COL11A1: variants seen among roughly 807,000 people sequenced by gnomAD.
COL11A1 encodes collagen alpha-1(XI) chain.
COL11A1 carries 74 observed loss-of-function variants against 265.2 expected under a neutral mutation model. The ratio of observed to expected loss-of-function variants is 0.28; its 90% confidence interval spans 0.23 to 0.34. The LOEUF is 0.34. Among genes scored for constraint, COL11A1 ranks in the 10% least tolerant of loss-of-function variants. The probability of loss-of-function intolerance (pLI) is 1.00; values close to 1 mark genes in which losing one functional copy is unlikely to be tolerated. For synonymous variants in COL11A1, 816 were observed against 727.6 expected (o/e 1.12, Z -1.96); for missense variants, 2,165 against 2,263.6 (o/e 0.96, Z 0.88).
At chr1:103,046,728 T>C (rs1669302473) in intron 4 of COL11A1, among the ~76,000 whole-genome samples, 2 of 151,650 alleles carry the variant, frequency 1.3e-5, no homozygotes, top group South Asian at 4.2e-4. Flanking sequence ...CTAGGGTTTT[T>C]ATGGTTTTAG....
At chr1:102,928,984 G>C (rs1452325525) in intron 46 of COL11A1, among the ~76,000 whole-genome samples, 2 of 113,188 alleles carry the variant, frequency 1.8e-5, no homozygotes, top group South Asian at 7.3e-4. Flanking sequence ...GTAGATTCTG[G>C]ATATTAGCCC....
intron 3 of COL11A1, among the ~76,000 whole-genome samples, chr1:103,077,793 G>A (rs1416647577): frequency 6.6e-6 from 1 of 152,048 alleles, no homozygotes; most frequent in East Asian, 1.9e-4. Context: ...ATTTGCAAAA[G>A]AGCGCAGTGC....
chr1:102,948,495 C>T (rs1009593237), intron 41 of COL11A1, among the ~76,000 whole-genome samples: 1 of 151,656 alleles, frequency 6.6e-6, no homozygotes, highest in Non-Finnish European at 1.5e-5. Context: ...AGAGACATTG[C>T]CAAAAATATA....
chr1:102,978,639 T>C lies in COL11A1; in HGVS notation c.2754+69A>G, dbSNP rs11800347. 8.1e-4 allele frequency: 1,240 copies of C among 1,527,818 alleles called. 9 individuals are homozygous for C. The African/African-American group carries it at 0.015, about 19-fold the overall frequency. 94.6% of individuals were successfully genotyped at this position (1,527,818 alleles called of 1,614,324 possible). A position where few individuals can be genotyped will look rare whatever the true frequency, so the allele number is the denominator to read the frequency against. Reference sequence around the variant, plus strand: ...CATGTATTAGCAGACATATATCTTTTCTCTGAAATCTAAATACTTGCAGAA... The same window carrying C: ...CATGTATTAGCAGACATATATCTTTCCTCTGAAATCTAAATACTTGCAGAA... On this transcript the variant is annotated intron_variant, in intron 35 of 66. Transcript: ENST00000370096.
intron 1 of COL11A1, among the ~76,000 whole-genome samples, chr1:103,097,410 C>T (rs1170925966): frequency 6.6e-6 from 1 of 151,950 alleles, no homozygotes; most frequent in East Asian, 1.9e-4. Context: ...TCCTGGAATG[C>T]TCTTTCCTCT....
At position 103,078,898 on chromosome 1, in the gene COL11A1, AAATTTCC is replaced by A. The variant is rs756100327; in HGVS notation, c.275-34_275-28del. The A allele has an allele frequency of 3.9e-6, 6 of 1,523,622 alleles. No homozygotes were observed. In the South Asian group the frequency reaches 5.7e-5, roughly 15 times the overall value. 94.4% of individuals were successfully genotyped at this position (1,523,622 alleles called of 1,614,324 possible). A position where few individuals can be genotyped will look rare whatever the true frequency, so the allele number is the denominator to read the frequency against. On this transcript the variant is annotated intron_variant, in intron 2 of 66. Coordinates refer to ENST00000370096, the MANE Select transcript of COL11A1 (RefSeq NM_001854.4). ...TGAGAAGAAAAGGCCAAAGAGTTAG[AAATTTCC>A]AATTTCCAATTTCTACTTTATTCCT...
intron 1 of COL11A1, among the ~76,000 whole-genome samples, chr1:103,105,364 A>G (rs1674611131): frequency 6.6e-6 from 1 of 152,158 alleles, no homozygotes; most frequent in Admixed American, 6.5e-5. Flanking sequence ...TCTAAATCAC[A>G]GCAAGGATTG....
intron 4 of COL11A1, among the ~76,000 whole-genome samples, chr1:103,058,732 G>A (rs2102183094): frequency 6.6e-6 from 1 of 152,222 alleles, no homozygotes; most frequent in African/African-American, 2.4e-5. Context: ...AGCCAGTTGA[G>A]CAGTCAGAAC....
chr1:102,902,186 C>G (rs1214104676), intron 54 of COL11A1, among the ~76,000 whole-genome samples: 1 of 152,078 alleles, frequency 6.6e-6, no homozygotes, highest in African/African-American at 2.4e-5. Context: ...CTCTATGGAC[C>G]TGTTAAGAGT....
chr1:103,050,798 T>A (rs1669751438), intron 4 of COL11A1, among the ~76,000 whole-genome samples: 1 of 152,208 alleles, frequency 6.6e-6, no homozygotes, highest in Non-Finnish European at 1.5e-5. Flanking sequence ...GTCCTTCCTG[T>A]TTGTTAGTTT....
At chr1:102,882,338 C>T (rs1004374010) in intron 64 of COL11A1, among the ~76,000 whole-genome samples, 1 of 152,110 alleles carries the variant, frequency 6.6e-6, no homozygotes, top group Non-Finnish European at 1.5e-5. Flanking sequence ...ATAGGGAACT[C>T]GAGTTATCTG....
At chr1:103,061,850 A>T (rs1203416941) in intron 4 of COL11A1, among the ~76,000 whole-genome samples, 1 of 151,986 alleles carries the variant, frequency 6.6e-6, no homozygotes, top group Non-Finnish European at 1.5e-5. Flanking sequence ...TTACACCAGA[A>T]GTAATAAAAC....
At chr1:102,995,746 A>G (rs1157813456) in intron 28 of COL11A1, 118 bp downstream of exon 28, 1 of 820,252 alleles carries the variant, frequency 1.2e-6, no homozygotes, top group Admixed American at 2.1e-5. Context: ...AAATTATACT[A>G]GCATTGCGTA....
At chr1:103,009,273 G>A (rs551074688) in intron 14 of COL11A1, among the ~76,000 whole-genome samples, 2 of 152,262 alleles carry the variant, frequency 1.3e-5, no homozygotes, top group African/African-American at 4.8e-5. Flanking sequence ...AATTGGCTGG[G>A]CATGGCATCG....
intron 57 of COL11A1, among the ~76,000 whole-genome samples, chr1:102,897,082 T>A (rs1676495): frequency 6.6e-6 from 1 of 151,974 alleles, no homozygotes; most frequent in Non-Finnish European, 1.5e-5. Flanking sequence ...ATAAGTGATC[T>A]TTAAATTCTT....
intron 4 of COL11A1, among the ~76,000 whole-genome samples, chr1:103,033,110 T>C (rs528668248): frequency 6.6e-6 from 1 of 152,252 alleles, no homozygotes; most frequent in African/African-American, 2.4e-5. Context: ...CTTTTTCAAT[T>C]GGCTTCTTTC....
Position 102,984,130 on chromosome 1 carries a change from T to C in COL11A1, c.2556+8A>G, listed in dbSNP as rs763689153. 6.3e-7 allele frequency: 1 copy of C among 1,584,376 alleles called. No homozygotes were observed. The highest frequency in any genetic ancestry group is 1.1e-5 in the South Asian group (1 of 89,632). ...TGTTAATAAACTATAAATATCAAGCTGTTTTACCTTTGGACCTTGTCTTCC... is the reference window on the plus strand; with the variant it reads ...TGTTAATAAACTATAAATATCAAGCCGTTTTACCTTTGGACCTTGTCTTCC... On this transcript the variant is annotated splice_region_variant and intron_variant, in intron 31 of 66. Coordinates refer to ENST00000370096, the MANE Select transcript of COL11A1 (RefSeq NM_001854.4).
chr1:103,012,851 C>A (rs1666239838), intron 13 of COL11A1, among the ~76,000 whole-genome samples: 2 of 152,030 alleles, frequency 1.3e-5, no homozygotes, highest in African/African-American at 4.8e-5. Context: ...AAATAAAATT[C>A]TTTTAGCAAT....
rs146342576 is a variant in COL11A1 at position 102,949,845 on chromosome 1, A to T, written c.3169-2889T>A. On this transcript the variant is annotated intron_variant, in intron 41 of 66. Coordinates refer to ENST00000370096, the MANE Select transcript of COL11A1 (RefSeq NM_001854.4). ...AATGGAAGAAATATAGCCACTTAAG[A>T]GCCACTTCTACCAAAACAAGCTCAT... Among the ~76,000 whole-genome samples the T allele has an allele frequency of 9.7e-3, 1,476 of 152,292 alleles. 28 individuals are homozygous for T. Among genetic ancestry groups the T allele is most frequent in the African/African-American group, 0.034 (1,399 of 41,556 alleles).
Sources: allele counts gnomAD v4.1 joint callset (sites outside exome capture counted in the v4.1 genomes callset), GRCh38; gene constraint gnomAD v4.1.1; transcripts MANE v1.5; gene names NCBI Gene and HGNC (gene_info 2026-07-23, HGNC 2026-07-21).